Variants in BMP2K observed in about 807,000 individuals in gnomAD.
The protein encoded by BMP2K is BMP-2-inducible protein kinase.
Under a neutral mutation model 116.0 loss-of-function variants are expected in BMP2K, and 74 were observed. The ratio of observed to expected loss-of-function variants is 0.64; its 90% confidence interval spans 0.53 to 0.77. The LOEUF is 0.77. BMP2K is among the 30% of genes least tolerant of loss of function. The pLI is 0.00. For synonymous variants in BMP2K, 486 were observed against 502.5 expected, an observed-to-expected ratio of 0.97 and a Z score of 0.44; for missense variants, 1,365 against 1,403.6, an observed-to-expected ratio of 0.97 and a Z score of 0.44.
At chr4:78,868,989 T>G (rs1431590394) in intron 10 of BMP2K, among the ~76,000 whole-genome samples, 1 of 152,180 alleles carries the variant, frequency 6.6e-6, no homozygotes, top group Non-Finnish European at 1.5e-5. Context: ...GGTGGCCCTC[T>G]TCTCACAGCT....
chr4:78,776,771 T>A (rs1727268958), intron 1 of BMP2K, 50 bp downstream of exon 1: 4 of 1,222,224 alleles, frequency 3.3e-6, no homozygotes, highest in Non-Finnish European at 4.1e-6. Context: ...AGGGTTGGGG[T>A]GTGGCGGCGG....
intron 1 of BMP2K, among the ~76,000 whole-genome samples, chr4:78,798,018 C>T (rs933580958): frequency 2.0e-5 from 3 of 152,106 alleles, no homozygotes; most frequent in African/African-American, 7.2e-5. Context: ...GGTCTCACTT[C>T]GTTGCCCAGA....
intron 1 of BMP2K, among the ~76,000 whole-genome samples, chr4:78,788,200 GA>G (rs1012164994): frequency 4.7e-5 from 7 of 150,396 alleles, no homozygotes; most frequent in South Asian, 2.1e-4. Context: ...TACAGGCACA[GA>G]AAAAAAAAGT....
At chr4:78,868,407 T>C (rs983041960) in intron 10 of BMP2K, among the ~76,000 whole-genome samples, 1 of 152,168 alleles carries the variant, frequency 6.6e-6, no homozygotes, top group Non-Finnish European at 1.5e-5. Context: ...TGAGATACAA[T>C]TCAAGTTGTG....
intron 15 of BMP2K, among the ~76,000 whole-genome samples, chr4:78,899,475 A>G (rs1733884568): frequency 6.6e-6 from 1 of 152,186 alleles, no homozygotes; most frequent in Non-Finnish European, 1.5e-5. Context: ...AATCTTGGCC[A>G]TTGGGTTTAC....
chr4:78,879,511 C>T (rs1038131522), intron 14 of BMP2K: 2 of 820,994 alleles, frequency 2.4e-6, no homozygotes, highest in African/African-American at 3.7e-5. Context: ...CTTCGCCACA[C>T]ATATTTTAGA....
At chr4:78,890,490 T>A (rs772777261) in intron 15 of BMP2K, among the ~76,000 whole-genome samples, 6 of 152,154 alleles carry the variant, frequency 3.9e-5, no homozygotes, top group African/African-American at 7.2e-5. Flanking sequence ...GTGTTCAGTG[T>A]CTACATTTTT....
chr4:78,911,908 G>A lies in BMP2K; in HGVS notation c.3361G>A (p.Asp1121Asn). The A allele has an allele frequency of 1.9e-6, 3 of 1,613,962 alleles. No homozygotes were observed. The highest frequency in any genetic ancestry group is 2.5e-6 in the Non-Finnish European group (3 of 1,179,882). Residue 1121 changes from aspartate (D) to asparagine (N), a missense_variant, in exon 16 of 16, where the codon GAT (aspartate) becomes AAT (asparagine). This residue lies in a region of BMP2K where 596 missense variants were observed against 623.2 expected (regional missense o/e 0.96). Transcript: ENST00000502613. ...CCATAGTGCAGATGTATTGAAAATG[G>A]ATGATTTTGGTGCCGTGCCCTTTAC... ...SFHSADVLKM[D>N]DFGAVPFTEL...
intron 15 of BMP2K, among the ~76,000 whole-genome samples, chr4:78,897,399 G>A (rs567896903): frequency 1.7e-4 from 26 of 152,122 alleles, no homozygotes; most frequent in Admixed American, 3.3e-4. Flanking sequence ...AATGATGGAA[G>A]TGAAGATTAT....
intron 10 of BMP2K, among the ~76,000 whole-genome samples, chr4:78,867,299 G>C (rs1277634993): frequency 6.6e-6 from 1 of 152,166 alleles, no homozygotes; most frequent in African/African-American, 2.4e-5. Flanking sequence ...AGGCATTTTT[G>C]GGGTTTGGAC....
Position 78,796,807 on chromosome 4 carries a change from G to A in BMP2K, c.178+20086G>A, listed in dbSNP as rs113884372. 5.3e-5 allele frequency among the ~76,000 whole-genome samples: 8 copies of A among 152,266 alleles called. 1 individual carries two copies. The highest frequency in any genetic ancestry group is 1.9e-4 in the African/African-American group (8 of 41,554). ...AGGAGTTTTGATATGTAAAAATGGA[G>A]AAAGAGTAATATTAGAGAACTAAAT... On this transcript the variant is annotated intron_variant, in intron 1 of 15. Coordinates refer to ENST00000502613, the MANE Select transcript of BMP2K (RefSeq NM_198892.2).
In BMP2K at chr4:78,911,042, T is replaced by C. The variant is rs1177574407; in HGVS notation, c.2495T>C (p.Leu832Pro). 1.2e-6 allele frequency: 2 copies of C among 1,613,866 alleles called. No homozygotes were observed. The highest frequency in any genetic ancestry group is 3.3e-5 in the Admixed American group (2 of 60,014). ...TCTGGCAGTGGACCAACCCAAGATC[T>C]TAATACAATACTCCTCACCTCAGCC... ...DRSGSGPTQD[L>P]NTILLTSAQL... The change falls in exon 16 of 16, where the codon CTT becomes CCT. Residue 832 changes from leucine (L) to proline (P), a missense_variant. Leu to Pro is a moderately conservative substitution (Grantham distance 98). Transcript: ENST00000502613.
At chr4:78,814,309 T>C (rs7697687) in intron 1 of BMP2K, among the ~76,000 whole-genome samples, 7,493 of 152,276 alleles carry the variant, frequency 0.049, 587 homozygotes, top group African/African-American at 0.17. Context: ...TTATCCATCT[T>C]TCAGGTTCTA....
intron 14 of BMP2K, among the ~76,000 whole-genome samples, chr4:78,881,219 C>G (rs1019554902): frequency 6.6e-6 from 1 of 152,122 alleles, no homozygotes; most frequent in Non-Finnish European, 1.5e-5. Context: ...TCTTTTCTCA[C>G]TTTCTGTATA....
intron 1 of BMP2K, among the ~76,000 whole-genome samples, chr4:78,822,811 G>A (rs1016701899): frequency 1.3e-5 from 2 of 152,146 alleles, no homozygotes; most frequent in Admixed American, 1.3e-4. Context: ...GTACCTGAGT[G>A]AGTGATGAAC....
intron 2 of BMP2K, among the ~76,000 whole-genome samples, chr4:78,827,830 A>G (rs1729953304): frequency 6.6e-6 from 1 of 152,220 alleles, no homozygotes; most frequent in African/African-American, 2.4e-5. Flanking sequence ...ATACGTTTTT[A>G]CTTTCTTTGA....
chr4:78,778,012 A>G (rs1422048590), intron 1 of BMP2K, among the ~76,000 whole-genome samples: 1 of 152,274 alleles, frequency 6.6e-6, no homozygotes, highest in Non-Finnish European at 1.5e-5. Context: ...AAGATTTACT[A>G]TACTATAAAG....
At chr4:78,794,440 GA>G (rs1728156573) in intron 1 of BMP2K, among the ~76,000 whole-genome samples, 1 of 152,154 alleles carries the variant, frequency 6.6e-6, no homozygotes, top group Admixed American at 6.5e-5. Context: ...GAAACTGTCA[GA>G]ATACAATCTA....
At chr4:78,829,148 G>A (rs1236476694) in intron 2 of BMP2K, among the ~76,000 whole-genome samples, 1 of 152,166 alleles carries the variant, frequency 6.6e-6, no homozygotes, top group South Asian at 2.1e-4. Context: ...AATACTGTTT[G>A]ATAGCACTTT....
Sources: allele counts gnomAD v4.1 joint callset (sites outside exome capture counted in the v4.1 genomes callset), GRCh38; gene constraint gnomAD v4.1.1; regional missense constraint gnomAD v4.1.1; transcripts MANE v1.5; gene names NCBI Gene and HGNC (gene_info 2026-07-23, HGNC 2026-07-21).